SLC2A13: variants seen among roughly 807,000 people sequenced by gnomAD.
The protein encoded by SLC2A13 is solute carrier family 2 member 13.
A neutral mutation model predicts 64.4 loss-of-function variants in SLC2A13; 32 were observed. That is an observed-to-expected ratio of 0.50 (90% CI 0.37 to 0.67). SLC2A13 has a LOEUF of 0.67. Among genes scored for constraint, SLC2A13 ranks in the 30% least tolerant of loss-of-function variants. The pLI is 0.00. For missense variants in SLC2A13, 743 were observed against 829.2 expected (o/e 0.90, Z 1.28); for synonymous variants, 338 against 327.1 (o/e 1.03, Z -0.36).
rs541872430 is a variant in SLC2A13 at position 39,808,835 on chromosome 12, T to C, written c.1445+21268A>G. Among the ~76,000 whole-genome samples, 5 of 152,308 alleles carry C rather than the reference T, an allele frequency of 3.3e-5. No homozygotes were observed. In the East Asian group the frequency reaches 9.6e-4, roughly 29 times the overall value. Reference sequence around the variant, plus strand: ...ATAATTCCTTTGTTAGATATACTTATTGTAAATAATACTTCCGGTCTGTGG... The same window carrying C: ...ATAATTCCTTTGTTAGATATACTTACTGTAAATAATACTTCCGGTCTGTGG... On this transcript the variant is annotated intron_variant, in intron 7 of 9. Coordinates refer to ENST00000280871, the MANE Select transcript of SLC2A13 (RefSeq NM_052885.4).
At chr12:39,897,033 T>G (rs1264227129) in intron 4 of SLC2A13, among the ~76,000 whole-genome samples, 1 of 152,196 alleles carries the variant, frequency 6.6e-6, no homozygotes, top group Non-Finnish European at 1.5e-5. Context: ...CAACAAGTTC[T>G]AACCCTTAGT....
intron 3 of SLC2A13, among the ~76,000 whole-genome samples, chr12:39,968,988 C>T (rs1946590258): frequency 6.6e-6 from 1 of 151,854 alleles, no homozygotes. Flanking sequence ...GTGATGTTCC[C>T]CTTCTTATGT....
chr12:39,763,746 A>G (rs1360020896), intron 9 of SLC2A13, among the ~76,000 whole-genome samples: 1 of 152,116 alleles, frequency 6.6e-6, no homozygotes, highest in East Asian at 1.9e-4. Context: ...GAATAATCCT[A>G]TTGCAACCTA....
At chr12:39,957,085 T>C (rs1324407543) in intron 3 of SLC2A13, among the ~76,000 whole-genome samples, 1 of 152,180 alleles carries the variant, frequency 6.6e-6, no homozygotes, top group Non-Finnish European at 1.5e-5. Context: ...TATTAAGCAT[T>C]TGCTCAAATC....
chr12:40,074,535 C>A (rs901411529), intron 1 of SLC2A13, among the ~76,000 whole-genome samples: 1 of 152,100 alleles, frequency 6.6e-6, no homozygotes, highest in Non-Finnish European at 1.5e-5. Flanking sequence ...TTAGAATTAT[C>A]ATCTCTCTGC....
At chr12:40,010,019 A>G (rs1214018464) in intron 3 of SLC2A13, among the ~76,000 whole-genome samples, 1 of 152,244 alleles carries the variant, frequency 6.6e-6, no homozygotes, top group Non-Finnish European at 1.5e-5. Context: ...ATTCTAAAAG[A>G]ATGTGACGTG....
At chr12:39,834,012 C>T (rs911281371) in intron 6 of SLC2A13, among the ~76,000 whole-genome samples, 1 of 151,994 alleles carries the variant, frequency 6.6e-6, no homozygotes, top group African/African-American at 2.4e-5. Context: ...AACAAACAGG[C>T]CTCACTGAGT....
chr12:40,094,778 GC>G, intron 1 of SLC2A13, among the ~76,000 whole-genome samples: 1 of 152,344 alleles, frequency 6.6e-6, no homozygotes, highest in Admixed American at 6.5e-5. Context: ...TTTTAAGACT[GC>G]AAAAATTACA....
At chr12:39,792,769 A>T (rs1941447094) in intron 7 of SLC2A13, among the ~76,000 whole-genome samples, 1 of 150,752 alleles carries the variant, frequency 6.6e-6, no homozygotes, top group African/African-American at 2.4e-5. Context: ...GTAGATTTAG[A>T]ACCCACTGAT....
chr12:39,947,534 T>C (rs75847352), intron 4 of SLC2A13, among the ~76,000 whole-genome samples: 1,659 of 152,300 alleles, frequency 0.011, 15 homozygotes, highest in Middle Eastern at 0.037. Context: ...GTATTTAGGT[T>C]GTGGTAATGA....
intron 7 of SLC2A13, among the ~76,000 whole-genome samples, chr12:39,804,048 A>G (rs905470401): frequency 6.6e-6 from 1 of 152,164 alleles, no homozygotes; most frequent in African/African-American, 2.4e-5. Context: ...ACAAGAAATA[A>G]TGAAAAAAAC....
intron 6 of SLC2A13, among the ~76,000 whole-genome samples, chr12:39,862,105 G>A (rs1039131561): frequency 6.6e-6 from 1 of 152,130 alleles, no homozygotes; most frequent in Non-Finnish European, 1.5e-5. Context: ...TCATTGTTCT[G>A]AAAGACATTC....
intron 7 of SLC2A13, among the ~76,000 whole-genome samples, chr12:39,802,662 CATATTT>C (rs779995609): frequency 1.9e-4 from 29 of 152,052 alleles, no homozygotes; most frequent in Non-Finnish European, 3.7e-4. Flanking sequence ...TATATAGTTA[CATATTT>C]ATATTTATAT....
At chr12:39,860,094 T>TA (rs1344624762) in intron 6 of SLC2A13, among the ~76,000 whole-genome samples, 5 of 152,116 alleles carry the variant, frequency 3.3e-5, no homozygotes, top group Admixed American at 3.3e-4. Flanking sequence ...CAATAACTCC[T>TA]AAAGAACTGT....
At chr12:39,827,205 C>T (rs7963645) in intron 7 of SLC2A13, among the ~76,000 whole-genome samples, 104,189 of 151,610 alleles carry the variant, frequency 0.69, 36,290 homozygotes, top group African/African-American at 0.79. Flanking sequence ...TATTTGTTTA[C>T]GTTTCTCAAC....
chr12:39,783,809 T>C (rs991833816), intron 7 of SLC2A13, among the ~76,000 whole-genome samples: 12 of 152,220 alleles, frequency 7.9e-5, no homozygotes, highest in African/African-American at 2.7e-4. Flanking sequence ...ATGACATGAC[T>C]GTATATTTAG....
intron 4 of SLC2A13, among the ~76,000 whole-genome samples, chr12:39,897,159 C>T (rs1944943932): frequency 6.6e-6 from 1 of 152,044 alleles, no homozygotes; most frequent in Admixed American, 6.6e-5. Context: ...TTTATTCTGC[C>T]TTCTGGTTAA....
chr12:40,090,367 G>A (rs1036963455), intron 1 of SLC2A13, among the ~76,000 whole-genome samples: 1 of 151,998 alleles, frequency 6.6e-6, no homozygotes, highest in South Asian at 2.1e-4. Context: ...TTGCTCATAT[G>A]GCTTATCTCT....
At chr12:39,787,400 A>G (rs1351474519) in intron 7 of SLC2A13, among the ~76,000 whole-genome samples, 2 of 152,220 alleles carry the variant, frequency 1.3e-5, no homozygotes, top group Admixed American at 6.5e-5. Context: ...TTTTTCTTCT[A>G]TAAAGTTTTA....
Sources: allele counts gnomAD v4.1 joint callset (sites outside exome capture counted in the v4.1 genomes callset), GRCh38; gene constraint gnomAD v4.1.1; transcripts MANE v1.5; gene names NCBI Gene and HGNC (gene_info 2026-07-23, HGNC 2026-07-21).